Variants in GALNT13 observed in about 807,000 individuals in gnomAD.
GALNT13 encodes the protein polypeptide N-acetylgalactosaminyltransferase 13, also known as UDP-GalNAc:polypeptide N-acetylgalactosaminyltransferase 13.
Under a neutral mutation model 64.2 loss-of-function variants are expected in GALNT13, and 28 were observed. That is an observed-to-expected ratio of 0.44 (90% confidence interval 0.32 to 0.60). GALNT13 has a LOEUF of 0.60. Among genes scored for constraint, GALNT13 ranks in the 20% least tolerant of loss-of-function variants. GALNT13 has a pLI of 0.05. For missense variants in GALNT13, 577 were observed against 669.8 expected, an observed-to-expected ratio of 0.86 and a Z score of 1.53; for synonymous variants, 214 against 224.6, an observed-to-expected ratio of 0.95 and a Z score of 0.42.
At chr2:153,996,801 A>C (rs1422279185) in intron 3 of GALNT13, among the ~76,000 whole-genome samples, 1 of 152,086 alleles carries the variant, frequency 6.6e-6, no homozygotes, top group Non-Finnish European at 1.5e-5. Context: ...TTGTAGTTAC[A>C]GGTCTTATAT....
At chr2:154,122,782 T>G (rs1447943638) in intron 3 of GALNT13, among the ~76,000 whole-genome samples, 2 of 152,046 alleles carry the variant, frequency 1.3e-5, no homozygotes, top group African/African-American at 2.4e-5. Flanking sequence ...CTTTTGATGT[T>G]TATAACATCA....
intron 9 of GALNT13, among the ~76,000 whole-genome samples, chr2:154,390,571 A>G (rs1334111946): frequency 2.0e-5 from 3 of 152,090 alleles, no homozygotes; most frequent in African/African-American, 7.2e-5. Flanking sequence ...GTTCTTTTTT[A>G]TGGCTGCATA....
the GALNT13 span, among the ~76,000 whole-genome samples, chr2:153,376,464 C>T: frequency 1.3e-5 from 2 of 151,954 alleles, no homozygotes; most frequent in African/African-American, 4.8e-5. Context: ...ACTTGCTGAC[C>T]CAGAGAATGT....
chr2:154,428,350 A>G (rs188021915), intron 11 of GALNT13, among the ~76,000 whole-genome samples: 1 of 152,232 alleles, frequency 6.6e-6, no homozygotes, highest in Non-Finnish European at 1.5e-5. Context: ...ATATATATCA[A>G]ACTGTGAACT....
chr2:153,177,743 CAG>C, the GALNT13 span, among the ~76,000 whole-genome samples: 4 of 152,098 alleles, frequency 2.6e-5, no homozygotes, highest in Admixed American at 2.6e-4. Context: ...AATTCACTCT[CAG>C]TGATTTTAAA....
the GALNT13 span, among the ~76,000 whole-genome samples, chr2:153,409,748 A>C: frequency 1.3e-5 from 2 of 152,140 alleles, no homozygotes; most frequent in African/African-American, 2.4e-5. Context: ...AGAAAAAGTT[A>C]AGGAAATTTC....
At chr2:153,780,320 C>T in the GALNT13 span, among the ~76,000 whole-genome samples, 2 of 149,858 alleles carry the variant, frequency 1.3e-5, no homozygotes, top group South Asian at 4.2e-4. Flanking sequence ...CCTCCTAAGC[C>T]TCCGTTTAAC....
At chr2:153,185,735 AG>A in the GALNT13 span, among the ~76,000 whole-genome samples, 1 of 152,328 alleles carries the variant, frequency 6.6e-6, no homozygotes, top group East Asian at 1.9e-4. Flanking sequence ...ATTCAGAAGC[AG>A]GTTGTTCAAT....
the GALNT13 span, among the ~76,000 whole-genome samples, chr2:153,328,753 G>C: frequency 6.6e-6 from 1 of 152,112 alleles, no homozygotes; most frequent in African/African-American, 2.4e-5. Context: ...CCATAGGGGT[G>C]GGCTCCGCTC....
the GALNT13 span, among the ~76,000 whole-genome samples, chr2:153,719,669 G>A: frequency 6.6e-6 from 1 of 152,164 alleles, no homozygotes; most frequent in African/African-American, 2.4e-5. Flanking sequence ...GGGTCAGGGA[G>A]TTCCCTTTCC....
intron 2 of GALNT13, among the ~76,000 whole-genome samples, chr2:153,942,499 G>T (rs1232072504): frequency 1.3e-5 from 2 of 151,816 alleles, no homozygotes; most frequent in Non-Finnish European, 2.9e-5. Flanking sequence ...GAATGTACAC[G>T]GTAACAGGAA....
intron 3 of GALNT13, among the ~76,000 whole-genome samples, chr2:154,068,872 A>T (rs1700600521): frequency 6.6e-6 from 1 of 152,072 alleles, no homozygotes; most frequent in Admixed American, 6.6e-5. Flanking sequence ...ACTTTTAGTT[A>T]TTTAGTATCC....
At chr2:154,201,952 T>C (rs1687194666) in intron 4 of GALNT13, among the ~76,000 whole-genome samples, 1 of 152,168 alleles carries the variant, frequency 6.6e-6, no homozygotes, top group Admixed American at 6.5e-5. Context: ...AATTTTATTA[T>C]TGCTGTTTAC....
chr2:153,856,698 T>C, the GALNT13 span, among the ~76,000 whole-genome samples: 3 of 152,248 alleles, frequency 2.0e-5, no homozygotes, highest in Admixed American at 2.0e-4. Context: ...ACAATTACAT[T>C]TGAACAATTG....
the GALNT13 span, among the ~76,000 whole-genome samples, chr2:153,245,109 G>A: frequency 3.9e-5 from 6 of 152,256 alleles, no homozygotes; most frequent in Non-Finnish European, 8.8e-5. Flanking sequence ...AGGAAATGCA[G>A]CAGCCCCAGT....
the GALNT13 span, among the ~76,000 whole-genome samples, chr2:153,343,088 C>T: frequency 6.6e-6 from 1 of 152,140 alleles, no homozygotes; most frequent in Non-Finnish European, 1.5e-5. Flanking sequence ...TTTGTCACTA[C>T]AATATTTGTT....
rs957657180 is a variant in GALNT13, at chr2:153,951,435, G to T, written c.142+6796G>T. On this transcript the variant is annotated intron_variant, in intron 3 of 12. Coordinates refer to ENST00000392825, the MANE Select transcript of GALNT13 (RefSeq NM_052917.4). ...ATTCCATGTATTCTGTGTAGGAAAT[G>T]ATGTCTGCTTAGAGCAAAATAGTGC... Among the ~76,000 whole-genome samples the T allele has an allele frequency of 2.6e-5, 4 of 152,142 alleles. No individual in the cohort carries two copies. The East Asian group carries it at 7.7e-4, about 29-fold the overall frequency.
At chr2:153,808,502 C>T in the GALNT13 span, among the ~76,000 whole-genome samples, 2 of 152,100 alleles carry the variant, frequency 1.3e-5, no homozygotes, top group Admixed American at 6.5e-5. Flanking sequence ...GTTCTCCCCT[C>T]GGTTTTTAAC....
At chr2:153,319,791 C>G in the GALNT13 span, among the ~76,000 whole-genome samples, 1 of 152,136 alleles carries the variant, frequency 6.6e-6, no homozygotes, top group Non-Finnish European at 1.5e-5. Flanking sequence ...AAGTAAAGAG[C>G]ACAAAAGTTT....
Sources: gnomAD v4.1 joint callset for allele counts (sites outside exome capture counted in the v4.1 genomes callset) on GRCh38, gnomAD v4.1.1 for gene constraint, MANE v1.5 for transcripts, NCBI Gene and HGNC (gene_info 2026-07-23, HGNC 2026-07-21) for gene names.